Variants in ST8SIA1 observed in about 807,000 individuals in gnomAD.
ST8SIA1 encodes ST8 alpha-N-acetyl-neuraminide alpha-2,8-sialyltransferase 1.
Under a neutral mutation model 35.9 loss-of-function variants are expected in ST8SIA1, and 16 were observed. The observed-to-expected ratio is 0.45, with a 90% CI of 0.30 to 0.68. ST8SIA1 has a LOEUF of 0.68. Among genes scored for constraint, ST8SIA1 ranks in the 30% least tolerant of loss-of-function variants. ST8SIA1 has a pLI of 0.09. For missense variants in ST8SIA1, 383 were observed against 453.6 expected (o/e 0.84, Z 1.41); for synonymous variants, 170 against 169.6 (o/e 1.00, Z -0.02).
intron 2 of ST8SIA1, among the ~76,000 whole-genome samples, chr12:22,271,710 C>G (rs1865913496): frequency 1.3e-5 from 2 of 152,304 alleles, no homozygotes; most frequent in Admixed American, 1.3e-4. Context: ...TCACATTGCT[C>G]TGGTGGCTTC....
intron 4 of ST8SIA1, among the ~76,000 whole-genome samples, chr12:22,241,002 AG>A (rs1865534545): frequency 7.3e-6 from 1 of 137,764 alleles, no homozygotes; most frequent in South Asian, 2.3e-4. Context: ...TTTTTGAGAC[AG>A]GGTCTTGCTC....
At position 22,201,576 on chromosome 12, in the gene ST8SIA1, A is replaced by G. The variant is rs1865048147; in HGVS notation, c.1047T>C (p.Asp349=). Reference sequence around the variant, plus strand: ...CCTAGGAAGTGGGCTGGAGTGAGGTATCTTCACATGGGTCCAGCTGCATTC... The same window carrying G: ...CCTAGGAAGTGGGCTGGAGTGAGGTGTCTTCACATGGGTCCAGCTGCATTC... The part of the protein sequence containing the change: ...ALRMQLDPCE[D]TSLQPTS The change falls in exon 5 of 5, where the codon GAT becomes GAC. Residue 349 remains aspartate (D), a synonymous_variant. Transcript: ENST00000396037. The G allele has an allele frequency of 6.2e-7, 1 of 1,611,770 alleles. No homozygotes were observed. The highest frequency in any genetic ancestry group is 2.2e-5 in the East Asian group (1 of 44,886).
At chr12:22,274,922 G>T (rs899768556) in intron 2 of ST8SIA1, among the ~76,000 whole-genome samples, 1 of 152,206 alleles carries the variant, frequency 6.6e-6, no homozygotes, top group Non-Finnish European at 1.5e-5. Context: ...AAGCATGTGA[G>T]CCAGTAACTG....
chr12:22,204,346 G>C (rs1426821771), intron 4 of ST8SIA1, among the ~76,000 whole-genome samples: 1 of 152,206 alleles, frequency 6.6e-6, no homozygotes, highest in African/African-American at 2.4e-5. Context: ...ATTGTGAAAT[G>C]ATTACAACAA....
At chr12:22,203,378 A>C (rs1197069927) in intron 4 of ST8SIA1, among the ~76,000 whole-genome samples, 1 of 152,196 alleles carries the variant, frequency 6.6e-6, no homozygotes, top group Non-Finnish European at 1.5e-5. Flanking sequence ...CTGGCCTGAC[A>C]TGTTGGCAGG....
chr12:22,247,578 AC>A (rs1027390959), intron 4 of ST8SIA1, among the ~76,000 whole-genome samples: 2 of 152,160 alleles, frequency 1.3e-5, no homozygotes, highest in African/African-American at 4.8e-5. Context: ...AAAAATAAAT[AC>A]ATTTACATGG....
rs543572764 is a variant in ST8SIA1, at chr12:22,239,667, T to C, written c.584+9339A>G. Among the ~76,000 whole-genome samples, 20 of 152,366 alleles carry C rather than the reference T, an allele frequency of 1.3e-4. No homozygotes were observed. In the South Asian group the frequency reaches 3.5e-3, roughly 27 times the overall value. On this transcript the variant is annotated intron_variant, in intron 4 of 4. Coordinates refer to ENST00000396037, the MANE Select transcript of ST8SIA1 (RefSeq NM_003034.4). ...TCTGGTACTTTTTGTTTGATTTTTG[T>C]CTCTGAGAATTTACACTATTGATGG...
chr12:22,333,698 T>C, intron 1 of ST8SIA1: 1 of 543,738 alleles, frequency 1.8e-6, no homozygotes, highest in Middle Eastern at 3.7e-4. Context: ...GGGTTCTCCT[T>C]CCCTCTGTTT....
At chr12:22,222,221 T>A (rs1033109594) in intron 4 of ST8SIA1, among the ~76,000 whole-genome samples, 1 of 152,204 alleles carries the variant, frequency 6.6e-6, no homozygotes, top group Admixed American at 6.5e-5. Flanking sequence ...AAGGAATTCC[T>A]TGTAATGAGG....
At chr12:22,270,758 G>A (rs2300736) in intron 2 of ST8SIA1, among the ~76,000 whole-genome samples, 23,588 of 152,134 alleles carry the variant, frequency 0.16, 1,883 homozygotes, top group Middle Eastern at 0.24. Context: ...TCACTGCTAC[G>A]CAGTATATCC....
At chr12:22,285,628 T>C (rs1376457291) in intron 2 of ST8SIA1, among the ~76,000 whole-genome samples, 1 of 152,060 alleles carries the variant, frequency 6.6e-6, no homozygotes, top group African/African-American at 2.4e-5. Flanking sequence ...TCCCAGCACT[T>C]TGGGAGGCCG....
At chr12:22,276,969 G>A (rs1374820095) in intron 2 of ST8SIA1, among the ~76,000 whole-genome samples, 2 of 152,048 alleles carry the variant, frequency 1.3e-5, no homozygotes, top group African/African-American at 4.8e-5. Context: ...CAAACACTAA[G>A]TTGATAAAAG....
chr12:22,216,576 G>T (rs1351261126), intron 4 of ST8SIA1, among the ~76,000 whole-genome samples: 1 of 152,036 alleles, frequency 6.6e-6, no homozygotes, highest in African/African-American at 2.4e-5. Context: ...ATCTAACTTT[G>T]TGTTCTCTTA....
At chr12:22,275,215 G>C (rs1193901498) in intron 2 of ST8SIA1, among the ~76,000 whole-genome samples, 1 of 152,282 alleles carries the variant, frequency 6.6e-6, no homozygotes, top group Non-Finnish European at 1.5e-5. Flanking sequence ...ACGAAAAAAC[G>C]AATTGTTCTG....
intron 4 of ST8SIA1, among the ~76,000 whole-genome samples, chr12:22,204,141 T>A (rs1865079985): frequency 6.6e-6 from 1 of 151,622 alleles, no homozygotes; most frequent in Admixed American, 6.6e-5. Context: ...GTTTCACATA[T>A]CCTAAAGAAC....
At chr12:22,212,326 C>T (rs1865184805) in intron 4 of ST8SIA1, among the ~76,000 whole-genome samples, 1 of 152,094 alleles carries the variant, frequency 6.6e-6, no homozygotes, top group Admixed American at 6.5e-5. Flanking sequence ...TATTTACTTG[C>T]TTTTCTAATA....
At chr12:22,285,710 A>G (rs1866089277) in intron 2 of ST8SIA1, among the ~76,000 whole-genome samples, 1 of 151,972 alleles carries the variant, frequency 6.6e-6, no homozygotes, top group Admixed American at 6.6e-5. Flanking sequence ...GGTCTCTACT[A>G]AAAATACAAA....
At chr12:22,231,581 A>AT (rs1197889290) in intron 4 of ST8SIA1, among the ~76,000 whole-genome samples, 149 of 149,308 alleles carry the variant, frequency 1.0e-3, no homozygotes, top group Non-Finnish European at 1.8e-3. Context: ...TTTGTTTATT[A>AT]TTTTTTTTTT....
rs1299128770 is a variant in ST8SIA1 at position 22,197,547 on chromosome 12, A to G, written c.*4005T>C. ...TATATAATAAAGTTATAAAACTGGAATATGTAGCTGCTGACGAAAAGAAAT... is the reference window on the plus strand; with the variant it reads ...TATATAATAAAGTTATAAAACTGGAGTATGTAGCTGCTGACGAAAAGAAAT... On this transcript the variant is annotated 3_prime_UTR_variant, in exon 5 of 5. Transcript: ENST00000396037. The G allele has an allele frequency of 6.6e-6, 1 of 152,210 alleles. No homozygotes were observed. Among genetic ancestry groups the G allele is most frequent in the Non-Finnish European group, 1.5e-5 (1 of 68,030 alleles). The allele number at this position is 152,210 out of a possible 1,614,324, so 9.4% of individuals were successfully genotyped here.
Sources: allele counts gnomAD v4.1 joint callset (sites outside exome capture counted in the v4.1 genomes callset), GRCh38; gene constraint gnomAD v4.1.1; transcripts MANE v1.5; gene names NCBI Gene and HGNC (gene_info 2026-07-23, HGNC 2026-07-21).